The following MSRB3 variants were observed in gnomAD, a reference collection of about 807,000 sequenced individuals.
MSRB3 encodes the protein methionine-R-sulfoxide reductase B3.
MSRB3 carries 13 observed loss-of-function variants against 21.0 expected under a neutral mutation model. The ratio of observed to expected loss-of-function variants is 0.62; its 90% confidence interval spans 0.40 to 0.98. MSRB3 has a LOEUF of 0.98. Among genes scored for constraint, MSRB3 ranks in the 50% least tolerant of loss-of-function variants. MSRB3 has a pLI of 0.00. For missense variants in MSRB3, 199 were observed against 230.3 expected (o/e 0.86, Z 0.88); for synonymous variants, 87 against 88.6 (o/e 0.98, Z 0.10).
intron 6 of MSRB3, among the ~76,000 whole-genome samples, chr12:65,459,020 CT>C (rs1163823332): frequency 6.6e-6 from 1 of 152,166 alleles, no homozygotes; most frequent in Non-Finnish European, 1.5e-5. Context: ...AAGTAAGTTC[CT>C]TCTAGAATAC....
chr12:65,451,895 G>A (rs1248518631), intron 5 of MSRB3, among the ~76,000 whole-genome samples: 1 of 152,162 alleles, frequency 6.6e-6, no homozygotes, highest in African/African-American at 2.4e-5. Flanking sequence ...TGGACACTGT[G>A]TTAGGCAATG....
chr12:65,408,719 A>G (rs1226929169), intron 5 of MSRB3, among the ~76,000 whole-genome samples: 1 of 152,118 alleles, frequency 6.6e-6, no homozygotes, highest in East Asian at 1.9e-4. Flanking sequence ...TTGATGAGAC[A>G]ACAAAGCTAG....
At chr12:65,419,873 G>A (rs555508727) in intron 5 of MSRB3, 1 of 669,748 alleles carries the variant, frequency 1.5e-6, no homozygotes, top group East Asian at 3.1e-5. Context: ...TGGTGGAGCA[G>A]GACATGGAGA....
chr12:65,444,449 GT>G (rs1024737409), intron 5 of MSRB3, among the ~76,000 whole-genome samples: 2 of 151,972 alleles, frequency 1.3e-5, no homozygotes, highest in Non-Finnish European at 2.9e-5. Context: ...TAATGCTTAA[GT>G]TTTTTTTAAC....
At chr12:65,412,821 G>A (rs887990338) in intron 5 of MSRB3, among the ~76,000 whole-genome samples, 17 of 152,124 alleles carry the variant, frequency 1.1e-4, no homozygotes, top group South Asian at 2.1e-4. Context: ...GGAGGCCTCA[G>A]GAACCTTCAA....
chr12:65,370,514 T>G (rs1878259267), intron 5 of MSRB3, among the ~76,000 whole-genome samples: 2 of 152,162 alleles, frequency 1.3e-5, no homozygotes, highest in South Asian at 4.1e-4. Context: ...AGGTTCATCT[T>G]GAAGGTAGAA....
At chr12:65,338,085 C>A (rs1255005218) in intron 4 of MSRB3, among the ~76,000 whole-genome samples, 1 of 152,054 alleles carries the variant, frequency 6.6e-6, no homozygotes, top group Non-Finnish European at 1.5e-5. Context: ...ACAGCAATAA[C>A]CTGCCTGAAA....
intron 5 of MSRB3, among the ~76,000 whole-genome samples, chr12:65,374,900 A>AGTG (rs1878515872): frequency 6.6e-6 from 1 of 151,848 alleles, no homozygotes; most frequent in African/African-American, 2.4e-5. Context: ...CCCAGGCTGG[A>AGTG]GTGCAGTGGC....
At chr12:65,451,077 A>G (rs1882837171) in intron 5 of MSRB3, among the ~76,000 whole-genome samples, 1 of 152,194 alleles carries the variant, frequency 6.6e-6, no homozygotes, top group Non-Finnish European at 1.5e-5. Flanking sequence ...AAAGTTAGCC[A>G]TGATTCTCTT....
In MSRB3 at chr12:65,355,852, C is replaced by T. The variant is rs572813223; in HGVS notation, c.264-13146C>T. 3.9e-5 allele frequency among the ~76,000 whole-genome samples: 6 copies of T among 151,968 alleles called. No individual in the cohort carries two copies. The East Asian group carries it at 1.2e-3, about 30-fold the overall frequency. ...ATATACCTGCATCTTTCAGTATGAA[C>T]GAGCTATCCATTTGCTCTTGATTGA... is the stretch of plus-strand genomic sequence containing the variant. On this transcript the variant is annotated intron_variant, in intron 4 of 6. Transcript: ENST00000308259.
At chr12:65,369,428 C>T (rs1878198113) in intron 5 of MSRB3, among the ~76,000 whole-genome samples, 1 of 151,992 alleles carries the variant, frequency 6.6e-6, no homozygotes, top group South Asian at 2.1e-4. Context: ...GAGTTCAAGC[C>T]AATAGAAATA....
chr12:65,421,309 T>G (rs923059464), intron 5 of MSRB3, among the ~76,000 whole-genome samples: 1 of 152,172 alleles, frequency 6.6e-6, no homozygotes, highest in African/African-American at 2.4e-5. Context: ...TTAATGTGGT[T>G]GTTTGTTTTT....
intron 6 of MSRB3, among the ~76,000 whole-genome samples, chr12:65,458,998 T>C (rs1165884641): frequency 6.6e-6 from 1 of 152,230 alleles, no homozygotes; most frequent in Non-Finnish European, 1.5e-5. Flanking sequence ...CAGTTTAACC[T>C]GCAGTTCAGT....
chr12:65,462,862 T>C (rs1424090341), intron 6 of MSRB3, among the ~76,000 whole-genome samples: 2 of 152,268 alleles, frequency 1.3e-5, no homozygotes, highest in Non-Finnish European at 2.9e-5. Context: ...ACTTGATTCA[T>C]AAAATTACTG....
chr12:65,347,210 C>A (rs184527966), intron 4 of MSRB3, among the ~76,000 whole-genome samples: 1 of 152,046 alleles, frequency 6.6e-6, no homozygotes, highest in East Asian at 1.9e-4. Context: ...ATTCTTCCTA[C>A]CCATGAGCAT....
Position 65,369,044 on chromosome 12 carries a change from A to G in MSRB3, c.292+18A>G. On this transcript the variant is annotated intron_variant, in intron 5 of 6. Transcript: ENST00000308259. The stretch of plus-strand genomic sequence containing the variant: ...CGGTTCAGGTATGTTTACATTAATA[A>G]TGCTCTTCTGAATATATTTTATTTA... 1 of 1,533,914 alleles carries G rather than the reference A, an allele frequency of 6.5e-7. No homozygotes were observed. The highest frequency in any genetic ancestry group is 9.0e-7 in the Non-Finnish European group (1 of 1,109,930).
intron 6 of MSRB3, among the ~76,000 whole-genome samples, chr12:65,459,568 A>G (rs145947408): frequency 1.3e-5 from 2 of 152,340 alleles, no homozygotes; most frequent in African/African-American, 2.4e-5. Context: ...GGGAGAAAAC[A>G]GAATACTACT....
intron 4 of MSRB3, among the ~76,000 whole-genome samples, chr12:65,353,114 T>C (rs566018818): frequency 6.6e-6 from 1 of 152,294 alleles, no homozygotes; most frequent in Admixed American, 6.5e-5. Context: ...TTCTATTCTT[T>C]TACATTTGGT....
intron 5 of MSRB3, among the ~76,000 whole-genome samples, chr12:65,403,339 A>G (rs1345875584): frequency 1.3e-5 from 2 of 152,220 alleles, no homozygotes; most frequent in Non-Finnish European, 2.9e-5. Flanking sequence ...TCTTGGCTAC[A>G]GTGGCTTTGC....
Sources: allele counts gnomAD v4.1 joint callset (sites outside exome capture counted in the v4.1 genomes callset), GRCh38; gene constraint gnomAD v4.1.1; transcripts MANE v1.5; gene names NCBI Gene and HGNC (gene_info 2026-07-23, HGNC 2026-07-21).